The following ANAPC4 variants were observed in gnomAD, a reference collection of about 807,000 sequenced individuals.
ANAPC4 encodes the protein anaphase-promoting complex subunit 4.
In ANAPC4, 63 loss-of-function variants were observed where a neutral mutation model predicts 119.8. That is an observed-to-expected ratio of 0.53 (90% CI 0.43 to 0.65). The LOEUF is 0.65. ANAPC4 is among the 30% of genes least tolerant of loss of function. The probability of loss-of-function intolerance (pLI) is 0.00; values close to 1 mark genes in which losing one functional copy is unlikely to be tolerated. For synonymous variants in ANAPC4, 283 were observed against 318.6 expected (o/e 0.89, Z 1.19); for missense variants, 716 against 945.1 (o/e 0.76, Z 3.18).
At chr4:25,401,823 G>A (rs1722994053) in intron 16 of ANAPC4, among the ~76,000 whole-genome samples, 1 of 152,202 alleles carries the variant, frequency 6.6e-6, no homozygotes, top group South Asian at 2.1e-4. Flanking sequence ...GGCTGTAGAT[G>A]TGTGTGCTCA....
intron 26 of ANAPC4, 148 bp from the exon 27 acceptor site, chr4:25,416,277 C>A: frequency 4.3e-6 from 2 of 469,274 alleles, no homozygotes; most frequent in East Asian, 3.3e-5. Context: ...GATTTTAATA[C>A]AAACCAATGA....
Position 25,407,184 on chromosome 4 carries a change from T to A in ANAPC4, c.1375-13T>A, listed in dbSNP as rs1723299075. 1 of 1,589,688 alleles carries A rather than the reference T, an allele frequency of 6.3e-7. No homozygotes were observed. ...GTTGACTTAAGAATTAAACTATGTT[T>A]ATTTTTTTCCAGGCTCCAGACCTTT... On this transcript the variant is annotated splice_polypyrimidine_tract_variant and intron_variant, in intron 19 of 28. Transcript: ENST00000315368.
In ANAPC4 at chr4:25,418,245, G is replaced by A. The variant is rs561331536; in HGVS notation, c.2290G>A (p.Ala764Thr). ...TGAGTCTTCAGATGAAGAGGAGGAG[G>A]CCAGTAATAAGCCTGTAAAAATAAA... Reference protein sequence around the residue: ...LDESSDEEEEASNKPVKIKEE... With the variant: ...LDESSDEEEETSNKPVKIKEE... The change falls in exon 29 of 29, where the codon GCC (alanine) becomes ACC (threonine). Residue 764 changes from alanine to threonine, a missense_variant. Coordinates refer to ENST00000315368, the MANE Select transcript of ANAPC4 (RefSeq NM_013367.3). The A allele has an allele frequency of 6.2e-6, 10 of 1,614,068 alleles. No homozygotes were observed. The African/African-American group carries it at 1.2e-4, about 19-fold the overall frequency.
At position 25,394,888 on chromosome 4, in the gene ANAPC4, C is replaced by A. The variant is rs768162801; in HGVS notation, c.1044C>A (p.Val348=). 3 of 1,612,966 alleles carry A rather than the reference C, an allele frequency of 1.9e-6. No homozygotes were observed. The highest frequency in any genetic ancestry group is 2.2e-5 in the South Asian group (2 of 90,806). ...ESSYSSIQKL[V]ISHLQSGSES... Reference sequence around the variant, plus strand: ...CATACTCCAGTATACAAAAATTGGTCATAAGTCATTTACAGAGGTATGAAG... The same window carrying A: ...CATACTCCAGTATACAAAAATTGGTAATAAGTCATTTACAGAGGTATGAAG... The change falls in exon 14 of 29, where the codon GTC becomes GTA. Residue 348 remains valine, a synonymous_variant. Transcript: ENST00000315368.
At position 25,396,776 on chromosome 4, in the gene ANAPC4, A is replaced by C. The variant is rs1722675491; in HGVS notation, c.1162+12A>C. 1.2e-6 allele frequency: 2 copies of C among 1,611,360 alleles called. No individual in the cohort carries two copies. Among genetic ancestry groups the C allele is most frequent in the African/African-American group, 2.7e-5 (2 of 74,732 alleles). ...TGCAGGAATCGAAGGTAGTGATTTA[A>C]TTTCTCAGTGAAATACATTAAACAC... On this transcript the variant is annotated intron_variant, in intron 15 of 28. Transcript: ENST00000315368.
chr4:25,386,968 T>A (rs13434763), intron 4 of ANAPC4, among the ~76,000 whole-genome samples: 1 of 152,042 alleles, frequency 6.6e-6, no homozygotes, highest in South Asian at 2.1e-4. Flanking sequence ...AATTTGCCAA[T>A]CAGTAATTTT....
At chr4:25,389,631 C>G (rs1362967626) in intron 7 of ANAPC4, among the ~76,000 whole-genome samples, 2 of 152,242 alleles carry the variant, frequency 1.3e-5, no homozygotes, top group Non-Finnish European at 2.9e-5. Flanking sequence ...ATATATAGAC[C>G]TTAATATCTA....
rs755147172 is a variant in ANAPC4, at chr4:25,388,545, C to T, written c.414C>T (p.Leu138=). Residue 138 remains leucine, a synonymous_variant, in exon 5 of 29, where the codon CTC becomes CTT. Coordinates refer to ENST00000315368, the MANE Select transcript of ANAPC4 (RefSeq NM_013367.3). ...FYNAEDESNL[L]LPKLPTLPKN... ...ATGCTGAGGATGAATCAAATCTTCT[C>T]TTACCTAAACTACCTACACTGCCAA... 6.2e-7 allele frequency: 1 copy of T among 1,605,588 alleles called. No homozygotes were observed. Among genetic ancestry groups the T allele is most frequent in the Non-Finnish European group, 8.5e-7 (1 of 1,172,968 alleles).
chr4:25,388,753 G>T lies in ANAPC4; in HGVS notation c.470+10G>T. ...CCTCAAAAATATTTAGGTAAGATAC[G>T]CCTTTTCTTGTTTTCAAGTAAGATA... On this transcript the variant is annotated intron_variant, in intron 6 of 28. Transcript: ENST00000315368. 6.2e-7 allele frequency: 1 copy of T among 1,608,168 alleles called. No individual in the cohort carries two copies. Among genetic ancestry groups the T allele is most frequent in the Non-Finnish European group, 8.5e-7 (1 of 1,176,898 alleles).
chr4:25,380,295 T>A (rs1172259143), intron 2 of ANAPC4, 79 bp from the exon 3 acceptor site: 3 of 1,138,324 alleles, frequency 2.6e-6, no homozygotes, highest in Non-Finnish European at 3.7e-6. Context: ...TTTAAAAAAA[T>A]TTTTAGTAGG....
At chr4:25,383,958 C>T (rs1721888517) in intron 4 of ANAPC4, among the ~76,000 whole-genome samples, 2 of 152,122 alleles carry the variant, frequency 1.3e-5, no homozygotes, top group Non-Finnish European at 2.9e-5. Flanking sequence ...TCAGTTGACT[C>T]TTTCTTTCAA....
At chr4:25,401,171 A>C (rs990880071) in intron 16 of ANAPC4, among the ~76,000 whole-genome samples, 2 of 152,060 alleles carry the variant, frequency 1.3e-5, no homozygotes, top group Admixed American at 1.3e-4. Context: ...TCTTCCCTTG[A>C]TGGGTCACTT....
intron 3 of ANAPC4, among the ~76,000 whole-genome samples, chr4:25,382,082 T>C (rs1721762597): frequency 6.6e-6 from 1 of 151,690 alleles, no homozygotes; most frequent in South Asian, 2.1e-4. Flanking sequence ...AGACAGTTAT[T>C]TGGTGCATAC....
rs535158997 is a variant in ANAPC4, at chr4:25,377,338, C to G, written c.-17C>G. The stretch of plus-strand genomic sequence containing the variant: ...CCGTGTTAGTCTGCCGGTGGGGACT[C>G]TTGCAGGTACAGGCGCGGTCGGGGC... On this transcript the variant is annotated 5_prime_UTR_variant, in exon 1 of 29. Coordinates refer to ENST00000315368, the MANE Select transcript of ANAPC4 (RefSeq NM_013367.3). The G allele has an allele frequency of 3.9e-6, 6 of 1,548,108 alleles. No individual in the cohort carries two copies. In the African/African-American group the frequency reaches 8.1e-5, roughly 21 times the overall value.
chr4:25,399,375 T>C (rs1722830960), intron 16 of ANAPC4, among the ~76,000 whole-genome samples: 1 of 152,210 alleles, frequency 6.6e-6, no homozygotes, highest in African/African-American at 2.4e-5. Flanking sequence ...TTGAGCAGTT[T>C]CTTAAATTTT....
intron 27 of ANAPC4, 138 bp downstream of exon 27, chr4:25,416,736 G>T: frequency 1.6e-6 from 1 of 619,852 alleles, no homozygotes. Flanking sequence ...GAGCAGAAAT[G>T]CTCCAATTTT....
At chr4:25,418,060 T>C in intron 28 of ANAPC4, 95 bp from the exon 29 acceptor site, 2 of 1,214,970 alleles carry the variant, frequency 1.6e-6, no homozygotes, top group Non-Finnish European at 2.3e-6. Flanking sequence ...AACTTTCCTA[T>C]AAAACCATTC....
intron 4 of ANAPC4, among the ~76,000 whole-genome samples, chr4:25,384,912 A>T (rs1483318029): frequency 6.6e-6 from 1 of 152,232 alleles, no homozygotes; most frequent in Non-Finnish European, 1.5e-5. Flanking sequence ...TCTCTATCAG[A>T]GCTCTTGGGT....
At chr4:25,386,037 G>A (rs536464334) in intron 4 of ANAPC4, among the ~76,000 whole-genome samples, 4 of 151,846 alleles carry the variant, frequency 2.6e-5, no homozygotes, top group South Asian at 2.1e-4. Context: ...CCTTAGCCTC[G>A]AGAGTAGCTG....
Sources: gnomAD v4.1 joint callset for allele counts (sites outside exome capture counted in the v4.1 genomes callset) on GRCh38, gnomAD v4.1.1 for gene constraint, MANE v1.5 for transcripts, NCBI Gene and HGNC (gene_info 2026-07-23, HGNC 2026-07-21) for gene names.